Variants in SGMS1 observed in about 807,000 individuals in gnomAD.
SGMS1 encodes the protein phosphatidylcholine:ceramide cholinephosphotransferase 1.
Under a neutral mutation model 46.2 loss-of-function variants are expected in SGMS1, and 13 were observed. The ratio of observed to expected loss-of-function variants is 0.28; its 90% CI spans 0.18 to 0.45. The LOEUF is 0.45. Among genes scored for constraint, SGMS1 ranks in the 20% least tolerant of loss-of-function variants. SGMS1 has a pLI of 1.00. For synonymous variants in SGMS1, 203 were observed against 187.8 expected (o/e 1.08, Z -0.66); for missense variants, 324 against 519.9 (o/e 0.62, Z 3.66).
chr10:50,437,251 A>T (rs1280661987), intron 5 of SGMS1, among the ~76,000 whole-genome samples: 1 of 152,190 alleles, frequency 6.6e-6, no homozygotes, highest in African/African-American at 2.4e-5. Flanking sequence ...GAGACCACAA[A>T]AGGGCTTGGG....
chr10:50,346,401 G>A (rs1201185634), intron 6 of SGMS1, among the ~76,000 whole-genome samples: 1 of 151,940 alleles, frequency 6.6e-6, no homozygotes, highest in Non-Finnish European at 1.5e-5. Flanking sequence ...TTTCTCAAAT[G>A]ATGACTGTTG....
intron 3 of SGMS1, among the ~76,000 whole-genome samples, chr10:50,515,312 C>T (rs1837791418): frequency 6.6e-6 from 1 of 152,176 alleles, no homozygotes; most frequent in Non-Finnish European, 1.5e-5. Context: ...CTGACATAAA[C>T]CTATGAAAGA....
intron 3 of SGMS1, among the ~76,000 whole-genome samples, chr10:50,492,301 T>C (rs1157929078): frequency 1.3e-5 from 2 of 152,210 alleles, no homozygotes; most frequent in Non-Finnish European, 1.5e-5. Flanking sequence ...CAACATAGTA[T>C]TGGAAGTTCT....
upstream of SGMS1, chr10:50,624,734 A>G (rs1389193213): frequency 2.0e-6 from 2 of 985,258 alleles, no homozygotes; most frequent in Admixed American, 6.1e-5. Context: ...CTGCTCCCCG[A>G]GCGAAGCCCC....
chr10:50,563,367 C>T (rs1838258781), intron 2 of SGMS1, among the ~76,000 whole-genome samples: 1 of 152,198 alleles, frequency 6.6e-6, no homozygotes. Flanking sequence ...AATTCAATTA[C>T]AGGAATGTAT....
chr10:50,579,043 CAA>C (rs764360151), intron 2 of SGMS1, among the ~76,000 whole-genome samples: 3 of 151,336 alleles, frequency 2.0e-5, no homozygotes, highest in Non-Finnish European at 4.4e-5. Context: ...AAAAACTATG[CAA>C]AAAAAGCTTA....
chr10:50,312,674 C>T (rs1211316103), intron 8 of SGMS1, among the ~76,000 whole-genome samples: 1 of 152,136 alleles, frequency 6.6e-6, no homozygotes, highest in African/African-American at 2.4e-5. Context: ...TAAGCATAAA[C>T]TGAAGGATAA....
At chr10:50,429,420 A>C (rs1418212978) in intron 6 of SGMS1, among the ~76,000 whole-genome samples, 2 of 152,172 alleles carry the variant, frequency 1.3e-5, no homozygotes, top group South Asian at 2.1e-4. Context: ...TACACCATCT[A>C]GATTTGTGTA....
chr10:50,347,206 G>A (rs934581956), intron 6 of SGMS1, among the ~76,000 whole-genome samples: 1 of 152,150 alleles, frequency 6.6e-6, no homozygotes, highest in African/African-American at 2.4e-5. Flanking sequence ...AGCACCCATA[G>A]ATCTACATGC....
At chr10:50,553,783 G>A (rs570117214) in intron 2 of SGMS1, among the ~76,000 whole-genome samples, 1 of 152,204 alleles carries the variant, frequency 6.6e-6, no homozygotes, top group Admixed American at 6.5e-5. Context: ...TCTTGCATAG[G>A]TCATCTACAT....
At chr10:50,374,934 A>C (rs1271964471) in intron 6 of SGMS1, among the ~76,000 whole-genome samples, 4 of 152,120 alleles carry the variant, frequency 2.6e-5, no homozygotes. Flanking sequence ...CATACTCTGT[A>C]TTTTACTTGT....
Position 50,307,144 on chromosome 10 carries a change from ATG to A in SGMS1, c.1238_1239del (p.Thr413IlefsTer16). On this transcript the variant is annotated frameshift_variant, in exon 11 of 11. Coordinates refer to ENST00000361781, the MANE Select transcript of SGMS1 (RefSeq NM_147156.4). LOFTEE classifies it high-confidence loss of function. The surrounding 1 kb of genome is among the most constrained non-coding windows in gnomAD (Gnocchi z 4.2). ...QVKYSRLVND[T>X] ...CTTTTCCCCACTTTGTACAGCTGTT[ATG>A]TGTCATTCACCAGCCGGCTGTATTT... 6.2e-7 allele frequency: 1 copy of A among 1,613,750 alleles called. No homozygotes were observed. The highest frequency in any genetic ancestry group is 8.5e-7 in the Non-Finnish European group (1 of 1,179,868).
chr10:50,514,955 T>A (rs1837788747), intron 3 of SGMS1, among the ~76,000 whole-genome samples: 1 of 152,210 alleles, frequency 6.6e-6, no homozygotes, highest in Non-Finnish European at 1.5e-5. Flanking sequence ...TCTGTAGGAA[T>A]TTTTTGCACG....
At chr10:50,406,941 C>A (rs1849024210) in intron 6 of SGMS1, among the ~76,000 whole-genome samples, 1 of 152,112 alleles carries the variant, frequency 6.6e-6, no homozygotes, top group African/African-American at 2.4e-5. Context: ...GTCCTGCGCT[C>A]CTGGCCTCAA....
intron 6 of SGMS1, among the ~76,000 whole-genome samples, chr10:50,398,515 G>A (rs1848880945): frequency 2.0e-5 from 3 of 152,126 alleles, no homozygotes; most frequent in Non-Finnish European, 4.4e-5. Flanking sequence ...TAACAATACC[G>A]GTGTTGTAAG....
intron 3 of SGMS1, among the ~76,000 whole-genome samples, chr10:50,474,573 A>G (rs1298588185): frequency 6.6e-6 from 1 of 152,164 alleles, no homozygotes; most frequent in African/African-American, 2.4e-5. Flanking sequence ...AATTAGAACT[A>G]ACAAATTTTT....
intron 2 of SGMS1, among the ~76,000 whole-genome samples, chr10:50,567,015 T>C (rs1407759333): frequency 6.6e-6 from 1 of 152,034 alleles, no homozygotes; most frequent in East Asian, 1.9e-4. Context: ...GGCGCGATCT[T>C]GGCTCACTGC....
intron 1 of SGMS1, among the ~76,000 whole-genome samples, chr10:50,593,374 G>T (rs1198594607): frequency 6.6e-6 from 1 of 152,204 alleles, no homozygotes; most frequent in East Asian, 1.9e-4. Context: ...GATGACAAAT[G>T]TGTATTATCG....
At chr10:50,434,217 T>C (rs951822763) in intron 5 of SGMS1, among the ~76,000 whole-genome samples, 1 of 152,250 alleles carries the variant, frequency 6.6e-6, no homozygotes, top group African/African-American at 2.4e-5. Flanking sequence ...CTTTTGTTTT[T>C]CCATTTCTTA....
Sources: gnomAD v4.1 joint callset for allele counts (sites outside exome capture counted in the v4.1 genomes callset) on GRCh38, gnomAD v4.1.1 for gene constraint, Gnocchi (gnomAD v3.1) non-coding constraint, MANE v1.5 for transcripts, NCBI Gene and HGNC (gene_info 2026-07-23, HGNC 2026-07-21) for gene names.